ULK4: variants seen among roughly 807,000 people sequenced by gnomAD.
ULK4 encodes inactive serine/threonine-protein kinase ULK4.
ULK4 carries 133 observed loss-of-function variants against 160.6 expected under a neutral mutation model. The ratio of observed to expected loss-of-function variants is 0.83; its 90% CI spans 0.72 to 0.96. The LOEUF (loss-of-function observed/expected upper bound fraction) is 0.96, where lower values mean the gene tolerates loss of function less well. ULK4 is among the 40% of genes least tolerant of loss of function. The pLI is 0.00. For missense variants in ULK4, 1,580 were observed against 1,499.5 expected (o/e 1.05, Z -0.89); for synonymous variants, 534 against 539.8 (o/e 0.99, Z 0.15).
chr3:41,398,138 G>C lies in ULK4; in HGVS notation c.3619C>G (p.Leu1207Val). The C allele has an allele frequency of 1.9e-5, 31 of 1,613,486 alleles. No homozygotes were observed. Among genetic ancestry groups the C allele is most frequent in the Non-Finnish European group, 2.6e-5 (31 of 1,179,636 alleles). ...PENVEIFAHL[L>V]TSKEDPKEQK... ...TCCTTTGGGTCCTCCTTGGATGTCA[G>C]TAAATGAGCAAAAATTTCCACATTT... Residue 1207 changes from leucine to valine, a missense_variant, in exon 35 of 37, where the codon CTG (leucine) becomes GTG (valine). Transcript: ENST00000301831.
intron 35 of ULK4, among the ~76,000 whole-genome samples, chr3:41,325,777 G>A (rs1420616646): frequency 1.3e-5 from 2 of 151,948 alleles, no homozygotes; most frequent in Non-Finnish European, 2.9e-5. Flanking sequence ...ATATCAGCCA[G>A]GCATGGTGGT....
intron 5 of ULK4, among the ~76,000 whole-genome samples, chr3:41,926,506 A>G (rs1699390356): frequency 1.3e-5 from 2 of 152,190 alleles, no homozygotes; most frequent in Non-Finnish European, 2.9e-5. Flanking sequence ...AGTTTGCCAA[A>G]TTGACAGAAG....
At position 41,828,080 on chromosome 3, in the gene ULK4, C is replaced by T. The variant is rs1037945092; in HGVS notation, c.1764+7784G>A. On this transcript the variant is annotated intron_variant, in intron 18 of 36. Transcript: ENST00000301831. ...ATTATCTCAATAGATGCAGAAAAGG[C>T]CTTTGACAAAATTCAACAGCCCTTC... Among the ~76,000 whole-genome samples, 7 of 150,094 alleles carry T rather than the reference C, an allele frequency of 4.7e-5. No homozygotes were observed. The South Asian group carries it at 8.4e-4, about 18-fold the overall frequency.
intron 34 of ULK4, among the ~76,000 whole-genome samples, chr3:41,426,802 C>T (rs1348203795): frequency 3.9e-5 from 6 of 151,946 alleles, no homozygotes; most frequent in East Asian, 1.9e-4. Context: ...TAAATGCCCA[C>T]GTCAAAAAAC....
intron 35 of ULK4, among the ~76,000 whole-genome samples, chr3:41,255,649 A>G (rs1324283461): frequency 1.3e-5 from 1 of 74,762 alleles, no homozygotes; most frequent in Admixed American, 1.4e-4. Flanking sequence ...CATATTTATA[A>G]GAAAATAAAT....
chr3:41,406,198 ATTCCAGCACCATT>A, intron 34 of ULK4, among the ~76,000 whole-genome samples: 1 of 152,296 alleles, frequency 6.6e-6, no homozygotes, highest in Admixed American at 6.5e-5. Context: ...CTAGCCAGCT[ATTCCAGCACCATT>A]TACTAAATAG....
chr3:41,665,515 G>A (rs983006595), intron 29 of ULK4, among the ~76,000 whole-genome samples: 10 of 152,086 alleles, frequency 6.6e-5, no homozygotes, highest in Admixed American at 1.3e-4. Context: ...ACAGTGTTCC[G>A]TTTAAGAAGT....
intron 32 of ULK4, among the ~76,000 whole-genome samples, chr3:41,467,516 G>A (rs946368615): frequency 1.3e-5 from 2 of 152,122 alleles, no homozygotes; most frequent in Non-Finnish European, 2.9e-5. Context: ...GATAGAGCAC[G>A]ACTCTGTTAC....
At chr3:41,729,720 G>C (rs114599181) in intron 22 of ULK4, among the ~76,000 whole-genome samples, 1 of 152,180 alleles carries the variant, frequency 6.6e-6, no homozygotes, top group East Asian at 1.9e-4. Context: ...CCTTGATGTA[G>C]TGCATGAGAC....
intron 18 of ULK4, among the ~76,000 whole-genome samples, chr3:41,829,952 A>C (rs2041518402): frequency 2.0e-5 from 3 of 151,966 alleles, no homozygotes; most frequent in Admixed American, 1.3e-4. Flanking sequence ...TACACCATGG[A>C]ATACTATGCA....
At chr3:41,756,518 T>C (rs1040740492) in intron 21 of ULK4, among the ~76,000 whole-genome samples, 8 of 151,970 alleles carry the variant, frequency 5.3e-5, no homozygotes, top group Non-Finnish European at 1.0e-4. Context: ...ACACTCACCA[T>C]GAAGAAGTAA....
intron 32 of ULK4, among the ~76,000 whole-genome samples, chr3:41,488,496 A>C (rs540766758): frequency 6.6e-6 from 1 of 152,316 alleles, no homozygotes; most frequent in South Asian, 2.1e-4. Flanking sequence ...ACGCTTCTGC[A>C]TTAGTTGAAT....
At chr3:41,249,837 GC>G (rs1303572577) in intron 35 of ULK4, among the ~76,000 whole-genome samples, 1 of 152,196 alleles carries the variant, frequency 6.6e-6, no homozygotes, top group Non-Finnish European at 1.5e-5. Context: ...CCAGTTCAGG[GC>G]AGGGAGCCTC....
chr3:41,430,232 C>T (rs1312781516), intron 34 of ULK4, among the ~76,000 whole-genome samples: 1 of 152,136 alleles, frequency 6.6e-6, no homozygotes, highest in African/African-American at 2.4e-5. Context: ...ATTTTTACAA[C>T]TGAAAGAAGA....
At chr3:41,315,464 C>A (rs1384848671) in intron 35 of ULK4, among the ~76,000 whole-genome samples, 1 of 152,156 alleles carries the variant, frequency 6.6e-6, no homozygotes, top group Non-Finnish European at 1.5e-5. Flanking sequence ...GAGAAACAAG[C>A]ATAACTTGTA....
intron 35 of ULK4, among the ~76,000 whole-genome samples, chr3:41,282,355 C>T (rs556773833): frequency 1.3e-5 from 2 of 152,188 alleles, no homozygotes; most frequent in African/African-American, 4.8e-5. Flanking sequence ...AATTCTAAGC[C>T]AAAAGAACAA....
At chr3:41,943,632 C>A (rs1366797154) in intron 2 of ULK4, among the ~76,000 whole-genome samples, 1 of 152,186 alleles carries the variant, frequency 6.6e-6, no homozygotes, top group African/African-American at 2.4e-5. Flanking sequence ...TACCTCCTAA[C>A]TGATGACTTT....
At chr3:41,453,271 G>A (rs2083463834) in intron 34 of ULK4, among the ~76,000 whole-genome samples, 1 of 152,136 alleles carries the variant, frequency 6.6e-6, no homozygotes, top group African/African-American at 2.4e-5. Flanking sequence ...ACACTCCTGG[G>A]CTCAAGCAAT....
rs191376290 is a variant in ULK4 at position 41,303,987 on chromosome 3, C to A, written c.3679-54413G>T. ...ATTTGGATGCTAAAGAAACAGACAA[C>A]AGGGCAGGTGTGATGGCTCACGCCT... On this transcript the variant is annotated intron_variant, in intron 35 of 36. Transcript: ENST00000301831. 3.3e-5 allele frequency among the ~76,000 whole-genome samples: 5 copies of A among 152,198 alleles called. No homozygotes were observed. The East Asian group carries it at 9.7e-4, about 29-fold the overall frequency.
Sources: gnomAD v4.1 joint callset for allele counts (sites outside exome capture counted in the v4.1 genomes callset) on GRCh38, gnomAD v4.1.1 for gene constraint, MANE v1.5 for transcripts, NCBI Gene and HGNC (gene_info 2026-07-23, HGNC 2026-07-21) for gene names.